Variants in TYW1 observed in about 807,000 individuals in gnomAD.
TYW1 encodes the protein tRNA-yW synthesizing protein 1 homolog.
In TYW1, 46 loss-of-function variants were observed where a neutral mutation model predicts 96.2. The observed-to-expected ratio is 0.48, with a 90% CI of 0.38 to 0.61. The LOEUF (loss-of-function observed/expected upper bound fraction) is 0.61. Among genes scored for constraint, TYW1 ranks in the 20% least tolerant of loss-of-function variants. The pLI, the probability that TYW1 is intolerant of heterozygous loss-of-function variation, is 0.00. For synonymous variants in TYW1, 274 were observed against 323.0 expected, an observed-to-expected ratio of 0.85 and a Z score of 1.63; for missense variants, 684 against 909.6, an observed-to-expected ratio of 0.75 and a Z score of 3.19.
chr7:67,201,224 G>A (rs1462932606), intron 15 of TYW1, among the ~76,000 whole-genome samples: 9 of 147,042 alleles, frequency 6.1e-5, no homozygotes, highest in East Asian at 4.0e-4. Flanking sequence ...TTGGCTACTC[G>A]GGAGGCTGAG....
chr7:67,230,941 C>T (rs1801734659), intron 15 of TYW1, among the ~76,000 whole-genome samples: 1 of 151,956 alleles, frequency 6.6e-6, no homozygotes, highest in Non-Finnish European at 1.5e-5. Context: ...TGCCTGGCTG[C>T]TTATTATCTC....
At chr7:67,053,154 T>C (rs907363928) in intron 8 of TYW1, among the ~76,000 whole-genome samples, 2 of 151,840 alleles carry the variant, frequency 1.3e-5, no homozygotes, top group Admixed American at 1.3e-4. Flanking sequence ...TATCTTACTT[T>C]TATGGCTTCT....
intron 13 of TYW1, among the ~76,000 whole-genome samples, chr7:67,170,597 T>G (rs1323528114): frequency 6.6e-6 from 1 of 152,184 alleles, no homozygotes; most frequent in Non-Finnish European, 1.5e-5. Context: ...TTATCACCTT[T>G]ATCTAGTTCC....
chr7:67,080,038 C>T (rs753744811), intron 10 of TYW1, among the ~76,000 whole-genome samples: 1 of 152,092 alleles, frequency 6.6e-6, no homozygotes, highest in Non-Finnish European at 1.5e-5. Flanking sequence ...ATGAGAAGAT[C>T]GTGTATTCTG....
chr7:67,165,272 T>C (rs1162328776), intron 13 of TYW1, among the ~76,000 whole-genome samples: 3 of 152,242 alleles, frequency 2.0e-5, no homozygotes, highest in Non-Finnish European at 2.9e-5. Context: ...AACTAGAGTA[T>C]GTGTTGAATT....
chr7:67,190,958 GA>G (rs201875798), intron 14 of TYW1, among the ~76,000 whole-genome samples: 6,154 of 152,238 alleles, frequency 0.04, 185 homozygotes, highest in Middle Eastern at 0.099. Flanking sequence ...AGCCAGTGAG[GA>G]AGACTTTATG....
chr7:67,108,068 G>A (rs780238726), intron 12 of TYW1, among the ~76,000 whole-genome samples: 29 of 151,958 alleles, frequency 1.9e-4, no homozygotes, highest in Middle Eastern at 6.8e-3. Flanking sequence ...GTAGAGACAG[G>A]GTTTCACCAT....
intron 15 of TYW1, among the ~76,000 whole-genome samples, chr7:67,203,459 G>A (rs145852612): frequency 0.038 from 5,823 of 152,172 alleles, 333 homozygotes; most frequent in African/African-American, 0.13. Context: ...CTTTTTAGTG[G>A]TTGATTTACA....
chr7:67,069,339 A>G (rs775539524), intron 10 of TYW1, among the ~76,000 whole-genome samples: 2 of 152,208 alleles, frequency 1.3e-5, no homozygotes, highest in African/African-American at 2.4e-5. Flanking sequence ...TGTCATTGTC[A>G]CAAATGACAA....
chr7:67,109,044 C>T (rs1293437122), intron 12 of TYW1, among the ~76,000 whole-genome samples: 3 of 151,602 alleles, frequency 2.0e-5, no homozygotes, highest in Non-Finnish European at 4.4e-5. Context: ...GAGGCCGAGG[C>T]GGGCGGATCA....
In TYW1 at chr7:67,017,894, G is replaced by T. The variant is rs771969449; in HGVS notation, c.612G>T (p.Ala204=). The change falls in exon 6 of 16, where the codon GCG becomes GCT. Residue 204 remains alanine (A), a synonymous_variant. Transcript: ENST00000359626. ...ACAAGTGGCTCTGGATGCTTGGCGC[G>T]CATCGTGTGATGAGTCGAGGGGAGG... The part of the protein sequence containing the change: ...NVDKWLWMLG[A]HRVMSRGEGD... 1.2e-6 allele frequency: 2 copies of T among 1,613,908 alleles called. No homozygotes were observed. Among genetic ancestry groups the T allele is most frequent in the Non-Finnish European group, 1.7e-6 (2 of 1,179,964 alleles).
chr7:67,094,211 A>G (rs944559638), intron 11 of TYW1, among the ~76,000 whole-genome samples: 3 of 152,132 alleles, frequency 2.0e-5, no homozygotes, highest in East Asian at 1.9e-4. Context: ...TCCATGGTGT[A>G]TATGTACCAT....
intron 12 of TYW1, among the ~76,000 whole-genome samples, chr7:67,116,442 T>C (rs1411426246): frequency 2.0e-5 from 3 of 151,966 alleles, no homozygotes; most frequent in Admixed American, 2.0e-4. Context: ...TTCTAACAGT[T>C]TGGGAGGCTG....
At chr7:67,057,994 A>G (rs1584510218) in intron 9 of TYW1, among the ~76,000 whole-genome samples, 1 of 152,254 alleles carries the variant, frequency 6.6e-6, no homozygotes, top group South Asian at 2.1e-4. Flanking sequence ...TTTCTTCTAG[A>G]AGCTTCGTCG....
chr7:67,155,960 T>G (rs11760817), intron 13 of TYW1, among the ~76,000 whole-genome samples: 14,661 of 152,212 alleles, frequency 0.096, 796 homozygotes, highest in Middle Eastern at 0.15. Flanking sequence ...ATGACTTTTT[T>G]GATTGTAATC....
intron 1 of TYW1, among the ~76,000 whole-genome samples, chr7:66,997,501 C>T (rs533301510): frequency 1.3e-5 from 2 of 152,320 alleles, no homozygotes; most frequent in East Asian, 3.9e-4. Context: ...TGTTCCTTCT[C>T]TTGCTTCTAA....
chr7:67,136,652 T>C (rs1225948390), intron 13 of TYW1, among the ~76,000 whole-genome samples: 1 of 13,970 alleles, frequency 7.2e-5, no homozygotes, highest in Non-Finnish European at 1.2e-4. Context: ...ATACAGTGCG[T>C]GTGTGTGTGT....
intron 5 of TYW1, among the ~76,000 whole-genome samples, chr7:67,015,765 A>G (rs905516570): frequency 6.6e-6 from 1 of 151,984 alleles, no homozygotes; most frequent in African/African-American, 2.4e-5. Flanking sequence ...GATCGAGACC[A>G]TCCTGGCTAA....
chr7:67,141,145 G>A (rs990564389), intron 13 of TYW1, among the ~76,000 whole-genome samples: 4 of 152,142 alleles, frequency 2.6e-5, no homozygotes, highest in Non-Finnish European at 5.9e-5. Context: ...TCTGACCAGA[G>A]AACAGGGCCC....
Sources: allele counts gnomAD v4.1 joint callset (sites outside exome capture counted in the v4.1 genomes callset), GRCh38; gene constraint gnomAD v4.1.1; transcripts MANE v1.5; gene names NCBI Gene and HGNC (gene_info 2026-07-23, HGNC 2026-07-21).